The following FAT3 variants were observed in gnomAD, a reference collection of about 807,000 sequenced individuals.
FAT3 encodes protocadherin Fat 3.
Under a neutral mutation model 310.2 loss-of-function variants are expected in FAT3, and 95 were observed. The observed-to-expected ratio is 0.31, with a 90% CI of 0.26 to 0.36. The LOEUF is 0.36. Among genes scored for constraint, FAT3 ranks in the 10% least tolerant of loss-of-function variants. FAT3 has a pLI of 1.00. For synonymous variants in FAT3, 2,314 were observed against 2,192.9 expected (o/e 1.06, Z -1.54); for missense variants, 5,408 against 5,715.6 (o/e 0.95, Z 1.74).
intron 3 of FAT3, among the ~76,000 whole-genome samples, chr11:92,676,165 T>A (rs1425595510): frequency 1.3e-5 from 2 of 152,182 alleles, no homozygotes; most frequent in Non-Finnish European, 2.9e-5. Context: ...TGTAATATAA[T>A]ACATTTAACC....
chr11:92,468,378 T>C (rs755885243), intron 2 of FAT3, among the ~76,000 whole-genome samples: 3 of 152,218 alleles, frequency 2.0e-5, no homozygotes, highest in Non-Finnish European at 4.4e-5. Flanking sequence ...TAGTGCTTAA[T>C]AAACTTGATG....
In FAT3 at chr11:92,798,886, C is replaced by G; in HGVS notation, c.5873C>G (p.Ser1958Cys). 1 of 1,613,936 alleles carries G rather than the reference C, an allele frequency of 6.2e-7. No individual in the cohort carries two copies. The highest frequency in any genetic ancestry group is 8.5e-7 in the Non-Finnish European group (1 of 1,179,868). The change falls in exon 10 of 28, where the codon TCT becomes TGT. Residue 1958 changes from serine (S) to cysteine (C), a missense_variant. This residue lies in a region of FAT3 where 4,588 missense variants were observed against 4,809.8 expected (regional missense o/e 0.95). Transcript: ENST00000525166. ...CACTACATGCTGATAGTTAAGGTGT[C>G]TGATGGAAAGTTCTACAGTACCTCC... ...KDHYMLIVKV[S>C]DGKFYSTSMV...
chr11:92,745,414 G>A (rs980534499), intron 4 of FAT3, among the ~76,000 whole-genome samples: 1 of 152,128 alleles, frequency 6.6e-6, no homozygotes, highest in Admixed American at 6.5e-5. Context: ...TGAGCACATG[G>A]GTGGTAGTCA....
intron 3 of FAT3, among the ~76,000 whole-genome samples, chr11:92,641,228 T>C (rs1408174755): frequency 6.6e-6 from 1 of 152,148 alleles, no homozygotes; most frequent in Non-Finnish European, 1.5e-5. Flanking sequence ...CCATATACTA[T>C]GCATTCTCTC....
chr11:92,691,345 A>G (rs1943793724), intron 3 of FAT3, among the ~76,000 whole-genome samples: 1 of 152,136 alleles, frequency 6.6e-6, no homozygotes, highest in African/African-American at 2.4e-5. Flanking sequence ...CTAGGGAGAT[A>G]AAAAGGAAAC....
At chr11:92,493,812 G>A (rs1481252292) in intron 2 of FAT3, among the ~76,000 whole-genome samples, 2 of 151,988 alleles carry the variant, frequency 1.3e-5, no homozygotes, top group Admixed American at 1.3e-4. Context: ...ATGAGTTGAT[G>A]GCTCAAACTT....
intron 2 of FAT3, among the ~76,000 whole-genome samples, chr11:92,374,609 A>G (rs1382960756): frequency 1.3e-5 from 2 of 152,260 alleles, no homozygotes; most frequent in East Asian, 3.8e-4. Flanking sequence ...TGTAATTTGA[A>G]GTACACAATT....
chr11:92,827,873 A>T (rs1394903809), intron 13 of FAT3, among the ~76,000 whole-genome samples: 3 of 152,154 alleles, frequency 2.0e-5, no homozygotes, highest in Non-Finnish European at 4.4e-5. Flanking sequence ...TGTCTGCTCC[A>T]TTTGCCACAG....
At chr11:92,232,505 A>G (rs900215504) in intron 1 of FAT3, among the ~76,000 whole-genome samples, 1 of 151,910 alleles carries the variant, frequency 6.6e-6, no homozygotes, top group Non-Finnish European at 1.5e-5. Flanking sequence ...ATTTGGATTT[A>G]TTGACAGAAG....
intron 1 of FAT3, among the ~76,000 whole-genome samples, chr11:92,325,130 C>CA (rs1453371552): frequency 6.6e-6 from 1 of 152,192 alleles, no homozygotes; most frequent in Admixed American, 6.5e-5. Flanking sequence ...ACTCATACAG[C>CA]ATGTGAAGTC....
In FAT3 at chr11:92,324,660, TAG is replaced by T. The variant is rs534762128; in HGVS notation, c.-17-27432_-17-27431del. 3.1e-3 allele frequency among the ~76,000 whole-genome samples: 470 copies of T among 152,290 alleles called. 3 individuals are homozygous for T. The highest frequency in any genetic ancestry group is 0.014 in the Middle Eastern group (4 of 294). ...AAATATCATATTCTGAAATGTGACATAGAGACATGATGTGAGAACATGCTGTT... is the reference window on the plus strand; with the variant it reads ...AAATATCATATTCTGAAATGTGACATAGACATGATGTGAGAACATGCTGTT... On this transcript the variant is annotated intron_variant, in intron 1 of 27. Transcript: ENST00000525166.
chr11:92,519,543 A>G (rs531340978), intron 2 of FAT3, among the ~76,000 whole-genome samples: 8 of 152,256 alleles, frequency 5.3e-5, no homozygotes, highest in Non-Finnish European at 1.2e-4. Context: ...ATATGAAAAT[A>G]TAAGATTTTT....
chr11:92,273,217 GTGATGCCAAATC>G (rs1429526818), intron 1 of FAT3, among the ~76,000 whole-genome samples: 1 of 152,048 alleles, frequency 6.6e-6, no homozygotes, highest in Non-Finnish European at 1.5e-5. Context: ...TTTTATAAAA[GTGATGCCAAATC>G]TGTTTCTGGG....
intron 19 of FAT3, among the ~76,000 whole-genome samples, chr11:92,845,099 C>T (rs899827421): frequency 2.0e-5 from 3 of 152,274 alleles, no homozygotes; most frequent in Middle Eastern, 3.4e-3. Flanking sequence ...CAAGGGGCAG[C>T]TTGCATGAGG....
At chr11:92,553,459 C>T (rs1954889531) in intron 3 of FAT3, among the ~76,000 whole-genome samples, 4 of 152,186 alleles carry the variant, frequency 2.6e-5, no homozygotes, top group Admixed American at 1.3e-4. Flanking sequence ...AGAAGGAATT[C>T]ATGGCTAGTG....
chr11:92,545,997 C>G (rs1279481116), intron 3 of FAT3, among the ~76,000 whole-genome samples: 3 of 152,194 alleles, frequency 2.0e-5, no homozygotes, highest in African/African-American at 7.2e-5. Context: ...CATTCTTTCT[C>G]TACTCCTCTC....
Position 92,867,223 on chromosome 11 carries a change from C to T in FAT3, c.12127+14C>T. On this transcript the variant is annotated intron_variant, in intron 22 of 27. Transcript: ENST00000525166. ...TGCCATCGGGGGGTGAGTGTGGCTA[C>T]GCAGTGGGCACTGGCCTGGGGGTTT... is the stretch of plus-strand genomic sequence containing the variant. 1.9e-6 allele frequency: 3 copies of T among 1,547,050 alleles called. No individual in the cohort carries two copies. Among genetic ancestry groups the T allele is most frequent in the South Asian group, 1.2e-5 (1 of 84,206 alleles).
intron 2 of FAT3, among the ~76,000 whole-genome samples, chr11:92,468,182 C>A (rs1039240731): frequency 6.6e-6 from 1 of 152,088 alleles, no homozygotes; most frequent in South Asian, 2.1e-4. Flanking sequence ...GTTTTCAGAG[C>A]TTTTGAGATT....
intron 19 of FAT3, among the ~76,000 whole-genome samples, chr11:92,852,389 A>C (rs1270728239): frequency 1.3e-5 from 2 of 152,202 alleles, no homozygotes; most frequent in South Asian, 2.1e-4. Flanking sequence ...TGCAGATTCT[A>C]ATCTGCCTTC....
Sources: gnomAD v4.1 joint callset for allele counts (sites outside exome capture counted in the v4.1 genomes callset) on GRCh38, gnomAD v4.1.1 for gene constraint, gnomAD v4.1.1 regional missense constraint, MANE v1.5 for transcripts, NCBI Gene and HGNC (gene_info 2026-07-23, HGNC 2026-07-21) for gene names.